AKR1A1: variants seen among roughly 807,000 people sequenced by gnomAD.
AKR1A1 encodes the protein aldo-keto reductase family 1 member A1, also known as HEL-S-165mP.
AKR1A1 carries 26 observed loss-of-function variants against 39.2 expected under a neutral mutation model. The ratio of observed to expected loss-of-function variants is 0.66; its 90% CI spans 0.49 to 0.92. The LOEUF (loss-of-function observed/expected upper bound fraction) is 0.92, where lower values mean the gene tolerates loss of function less well. Ranked by LOEUF, AKR1A1 falls within the 40% of genes least tolerant of loss-of-function variation. The probability of loss-of-function intolerance (pLI) is 0.00; values close to 1 mark genes in which losing one functional copy is unlikely to be tolerated. For synonymous variants in AKR1A1, 141 were observed against 155.5 expected (o/e 0.91, Z 0.69); for missense variants, 378 against 406.5 (o/e 0.93, Z 0.60).
rs375427029 is a variant in AKR1A1 at position 45,568,540 on chromosome 1, G to A, written c.608G>A (p.Arg203His). 3.3e-5 allele frequency: 54 copies of A among 1,613,844 alleles called. No homozygotes were observed. Among genetic ancestry groups the A allele is most frequent in the African/African-American group, 1.2e-4 (9 of 74,916 alleles). ...GAGCTAATTGCCCACTGCCAAGCAC[G>A]TGGCCTGGAGGTAACTGCTTATAGC... is the stretch of plus-strand genomic sequence containing the variant. Reference protein sequence around the residue: ...QNELIAHCQARGLEVTAYSPL... With the variant: ...QNELIAHCQAHGLEVTAYSPL... Residue 203 changes from arginine (R) to histidine (H), a missense_variant, in exon 6 of 9, where the codon CGT (arginine) becomes CAT (histidine). Coordinates refer to ENST00000351829, the MANE Select transcript of AKR1A1 (RefSeq NM_153326.3).
intron 2 of AKR1A1, among the ~76,000 whole-genome samples, chr1:45,565,318 C>T (rs1275980432): frequency 6.6e-6 from 1 of 150,884 alleles, no homozygotes; most frequent in Non-Finnish European, 1.5e-5. Flanking sequence ...TTAGTAGAGA[C>T]GGGGTTTCTC....
intron 2 of AKR1A1, among the ~76,000 whole-genome samples, chr1:45,565,846 T>C (rs1451132805): frequency 6.6e-6 from 1 of 151,942 alleles, no homozygotes; most frequent in Non-Finnish European, 1.5e-5. Flanking sequence ...AACTTCTGCC[T>C]TCAAGCAATG....
intron 2 of AKR1A1, among the ~76,000 whole-genome samples, chr1:45,565,386 T>A (rs1279379282): frequency 2.6e-5 from 4 of 152,122 alleles, no homozygotes; most frequent in South Asian, 4.2e-4. Context: ...CACCTCGGCC[T>A]CCCAAAGTGC....
rs182846286 is a variant in AKR1A1 at position 45,567,814 on chromosome 1, G to A, written c.357-168G>A. The A allele has an allele frequency of 3.5e-4, 211 of 610,204 alleles. No homozygotes were observed. In the African/African-American group the frequency reaches 3.8e-3, roughly 11 times the overall value. 37.8% of individuals were successfully genotyped at this position (610,204 alleles called of 1,614,324 possible). A position where few individuals can be genotyped will look rare whatever the true frequency, so the allele number is the denominator to read the frequency against. On this transcript the variant is annotated intron_variant, in intron 4 of 8. Transcript: ENST00000351829. ...TGCACTCCAGCCTGGGCGGTAAAGCGAGACTCCATCTCAAAAAAAAAAAAA... is the reference window on the plus strand; with the variant it reads ...TGCACTCCAGCCTGGGCGGTAAAGCAAGACTCCATCTCAAAAAAAAAAAAA...
intron 2 of AKR1A1, among the ~76,000 whole-genome samples, chr1:45,562,330 A>AT (rs957556536): frequency 0.011 from 1,467 of 132,214 alleles, 14 homozygotes; most frequent in African/African-American, 0.022. Flanking sequence ...AGGTCAGCAA[A>AT]TTTTTTTTTT....
intron 8 of AKR1A1, 88 bp from the exon 9 acceptor site, chr1:45,569,803 T>G: frequency 8.4e-7 from 1 of 1,187,348 alleles, no homozygotes; most frequent in Non-Finnish European, 1.2e-6. Context: ...CACAGGTGAG[T>G]TTGTTTAGGA....
chr1:45,558,810 G>A (rs1056540861), intron 1 of AKR1A1, among the ~76,000 whole-genome samples: 17 of 152,266 alleles, frequency 1.1e-4, no homozygotes, highest in Admixed American at 3.3e-4. Context: ...GATTACAGGT[G>A]TGAGCCACCA....
intron 4 of AKR1A1, 38 bp downstream of exon 4, chr1:45,567,058 G>A (rs1423830995): frequency 6.2e-7 from 1 of 1,606,620 alleles, no homozygotes; most frequent in Non-Finnish European, 8.5e-7. Context: ...GAATCAGGGG[G>A]TTGAGCAGGA....
intron 4 of AKR1A1, 84 bp from the exon 5 acceptor site, chr1:45,567,898 T>C: frequency 7.6e-7 from 1 of 1,311,298 alleles, no homozygotes; most frequent in Non-Finnish European, 1.0e-6. Context: ...GGATTGGAGT[T>C]TGGGACATAG....
chr1:45,566,755 C>T, intron 3 of AKR1A1, 67 bp downstream of exon 3: 2 of 1,600,770 alleles, frequency 1.2e-6, no homozygotes, highest in Non-Finnish European at 8.5e-7. Flanking sequence ...GGGCTGGGGC[C>T]CAGCTGGAGG....
chr1:45,566,935 G>A lies in AKR1A1; in HGVS notation c.271G>A (p.Val91Met), dbSNP rs1321555989. ...LWNTKHHPED[V>M]EPALRKTLAD... ...GAACACCAAGCACCACCCCGAGGAT[G>A]TGGAGCCTGCCCTCCGGAAGACTCT... The change falls in exon 4 of 9, where the codon GTG (valine) becomes ATG (methionine). Residue 91 changes from valine (V) to methionine (M), a missense_variant. Coordinates refer to ENST00000351829, the MANE Select transcript of AKR1A1 (RefSeq NM_153326.3). 1.9e-6 allele frequency: 3 copies of A among 1,614,112 alleles called. No homozygotes were observed. Among genetic ancestry groups the A allele is most frequent in the Non-Finnish European group, 2.5e-6 (3 of 1,180,044 alleles).
chr1:45,569,143 G>A lies in AKR1A1; in HGVS notation c.826G>A (p.Val276Met). 1 of 1,613,976 alleles carries A rather than the reference G, an allele frequency of 6.2e-7. No individual in the cohort carries two copies. The highest frequency in any genetic ancestry group is 8.5e-7 in the Non-Finnish European group (1 of 1,179,880). The change falls in exon 8 of 9, where the codon GTG becomes ATG. Residue 276 changes from valine (V) to methionine (M), a missense_variant and splice_region_variant. Transcript: ENST00000351829. ...CTTGAACCCCACTCTCCATCCTCAG[G>A]TGTTTGACTTCACCTTTAGCCCAGA... Reference protein sequence around the residue: ...TPSRILQNIKVFDFTFSPEEM... With the variant: ...TPSRILQNIKMFDFTFSPEEM...
At chr1:45,569,330 A>T (rs139177791) in intron 8 of AKR1A1, 101 bp downstream of exon 8, 2 of 957,702 alleles carry the variant, frequency 2.1e-6, no homozygotes, top group African/African-American at 3.2e-5. Context: ...GAAGGACACA[A>T]TGTTGTGGGT....
In AKR1A1 at chr1:45,568,106, C is replaced by T. The variant is rs772583188; in HGVS notation, c.481C>T (p.Leu161=). Residue 161 remains leucine (L), a synonymous_variant, in exon 5 of 9, where the codon CTG becomes TTG. Coordinates refer to ENST00000351829, the MANE Select transcript of AKR1A1 (RefSeq NM_153326.3). ...VAKGLVQALG[L]SNFNSRQIDD... ...TAAGGGGCTGGTGCAGGCGCTGGGC[C>T]TGTCCAACTTCAACAGTCGGCAGAT... 6.2e-7 allele frequency: 1 copy of T among 1,614,114 alleles called. No homozygotes were observed. Among genetic ancestry groups the T allele is most frequent in the South Asian group, 1.1e-5 (1 of 91,072 alleles).
intron 1 of AKR1A1, among the ~76,000 whole-genome samples, chr1:45,558,840 T>C (rs951313411): frequency 6.6e-6 from 1 of 152,196 alleles, no homozygotes; most frequent in African/African-American, 2.4e-5. Context: ...ACAGCTTGTC[T>C]TATTACTTGC....
At chr1:45,561,357 C>T (rs1194697235) in intron 1 of AKR1A1, among the ~76,000 whole-genome samples, 3 of 152,060 alleles carry the variant, frequency 2.0e-5, no homozygotes, top group Non-Finnish European at 4.4e-5. Flanking sequence ...CTCACAGGCA[C>T]ATATATAACC....
In AKR1A1 at chr1:45,566,619, T is replaced by TGA. The variant is rs1371571833; in HGVS notation, c.135_136insGA (p.Cys46AspfsTer16). 6.2e-7 allele frequency: 1 copy of TGA among 1,614,236 alleles called. No homozygotes were observed. Among genetic ancestry groups the TGA allele is most frequent in the Non-Finnish European group, 8.5e-7 (1 of 1,180,042 alleles). On this transcript the variant is annotated frameshift_variant, in exon 3 of 9. Coordinates refer to ENST00000351829, the MANE Select transcript of AKR1A1 (RefSeq NM_153326.3). LOFTEE classifies it high-confidence loss of function. ...TTAGCGTAGGCTACCGCCACATTGATTGTGCTGCTATCTACGGCAATGAGC... is the reference window on the plus strand; with the variant it reads ...TTAGCGTAGGCTACCGCCACATTGATGATGTGCTGCTATCTACGGCAATGAGC...
At chr1:45,558,830 A>G (rs995770552) in intron 1 of AKR1A1, among the ~76,000 whole-genome samples, 11 of 152,168 alleles carry the variant, frequency 7.2e-5, no homozygotes, top group Non-Finnish European at 1.3e-4. Context: ...ACTCCTGGCC[A>G]CAGCTTGTCT....
At chr1:45,552,531 G>A (rs945930088) in intron 1 of AKR1A1, 2 of 152,240 alleles carry the variant, frequency 1.3e-5, no homozygotes, top group Non-Finnish European at 2.9e-5. Context: ...TGAAGTGCTA[G>A]CTGAAGGATG....
Sources: gnomAD v4.1 joint callset for allele counts (sites outside exome capture counted in the v4.1 genomes callset) on GRCh38, gnomAD v4.1.1 for gene constraint, MANE v1.5 for transcripts, NCBI Gene and HGNC (gene_info 2026-07-23, HGNC 2026-07-21) for gene names.